TTC7B: variants seen among roughly 807,000 people sequenced by gnomAD.
The protein encoded by TTC7B is tetratricopeptide repeat domain 7B, also known as tetratricopeptide repeat protein 7B.
In TTC7B, 28 loss-of-function variants were observed where a neutral mutation model predicts 106.8. The ratio of observed to expected loss-of-function variants is 0.26; its 90% CI spans 0.19 to 0.36. The LOEUF is 0.36. TTC7B is among the 10% of genes least tolerant of loss of function. TTC7B has a pLI of 1.00. For missense variants in TTC7B, 862 were observed against 1,076.4 expected, an observed-to-expected ratio of 0.80 and a Z score of 2.79; for synonymous variants, 405 against 430.6, an observed-to-expected ratio of 0.94 and a Z score of 0.74.
chr14:90,531,220 A>C lies in TTC7B; in HGVS notation c.*10148T>G, dbSNP rs1947363228. 6.6e-6 allele frequency: 1 copy of C among 152,326 alleles called. No homozygotes were observed. Among genetic ancestry groups the C allele is most frequent in the African/African-American group, 2.4e-5 (1 of 41,570 alleles). The allele number at this position is 152,326 out of a possible 1,614,324, so 9.4% of individuals were successfully genotyped here. A position where few individuals can be genotyped will look rare whatever the true frequency, so the allele number is the denominator to read the frequency against. ...AACAGGCAGCTGATACAGTGGGTGT[A>C]GGTTTTACGATCACAAAAGAAAAGA... On this transcript the variant is annotated 3_prime_UTR_variant, in exon 20 of 20. Transcript: ENST00000328459.
intron 17 of TTC7B, among the ~76,000 whole-genome samples, chr14:90,599,846 T>G (rs1192199795): frequency 6.6e-6 from 1 of 151,976 alleles, no homozygotes; most frequent in East Asian, 1.9e-4. Flanking sequence ...CAGTTCCATC[T>G]CTTAAAGAAC....
rs1011667625 is a variant in TTC7B at position 90,805,349 on chromosome 14, G to A, written c.121+10826C>T. On this transcript the variant is annotated intron_variant, in intron 1 of 19. Transcript: ENST00000328459. The surrounding 1 kb of genome is among the most constrained non-coding windows in gnomAD (Gnocchi z 4.0). ...CGGCTCACTGCAACCTCTACCTCCC[G>A]GGTTCAGGCAATTCTCCTGTTCTCC... Among the ~76,000 whole-genome samples, 15 of 152,148 alleles carry A rather than the reference G, an allele frequency of 9.9e-5. No homozygotes were observed. Among genetic ancestry groups the A allele is most frequent in the African/African-American group, 3.4e-4 (14 of 41,430 alleles).
At chr14:90,567,173 TG>T (rs914106777) in intron 19 of TTC7B, among the ~76,000 whole-genome samples, 3 of 152,200 alleles carry the variant, frequency 2.0e-5, no homozygotes, top group African/African-American at 7.2e-5. Context: ...TGGTGATTCT[TG>T]GTAGATCTGT....
rs144623147 is a variant in TTC7B, at chr14:90,681,095, G to A, written c.951-560C>T. Among the ~76,000 whole-genome samples the A allele has an allele frequency of 2.2e-4, 34 of 152,240 alleles. No individual in the cohort carries two copies. In the East Asian group the frequency reaches 6.2e-3, roughly 28 times the overall value. On this transcript the variant is annotated intron_variant, in intron 7 of 19. Coordinates refer to ENST00000328459, the MANE Select transcript of TTC7B (RefSeq NM_001010854.2). ...AGAGCTCTTATTAATCTATTTTATG[G>A]AATTTGGCTGAACTCCTAAATCTTG... is the stretch of plus-strand genomic sequence containing the variant.
intron 4 of TTC7B, among the ~76,000 whole-genome samples, chr14:90,741,421 C>G (rs929381823): frequency 1.3e-5 from 2 of 152,118 alleles, no homozygotes; most frequent in African/African-American, 4.8e-5. Flanking sequence ...CCCACAGGCC[C>G]CAGCGAGCAG....
intron 5 of TTC7B, among the ~76,000 whole-genome samples, chr14:90,721,835 C>T (rs1430657513): frequency 1.3e-5 from 2 of 152,208 alleles, no homozygotes; most frequent in South Asian, 2.1e-4. Context: ...GACTCATTCA[C>T]TTAGAACAGT....
intron 19 of TTC7B, among the ~76,000 whole-genome samples, chr14:90,554,924 G>C (rs151113639): frequency 6.6e-6 from 1 of 152,296 alleles, no homozygotes; most frequent in African/African-American, 2.4e-5. Context: ...GACTCTTAGT[G>C]ATCACATCTG....
chr14:90,660,752 G>A (rs1377131031), intron 9 of TTC7B, among the ~76,000 whole-genome samples: 1 of 152,224 alleles, frequency 6.6e-6, no homozygotes, highest in African/African-American at 2.4e-5. Context: ...AATTTTAAAT[G>A]ATATATACAG....
intron 19 of TTC7B, among the ~76,000 whole-genome samples, chr14:90,544,679 G>A (rs565831651): frequency 7.9e-5 from 12 of 152,300 alleles, no homozygotes; most frequent in South Asian, 4.2e-4. Flanking sequence ...GTGCTCACCC[G>A]AGAACGTTCC....
intron 18 of TTC7B, among the ~76,000 whole-genome samples, chr14:90,584,771 C>G (rs1463889419): frequency 6.6e-6 from 1 of 152,122 alleles, no homozygotes; most frequent in Non-Finnish European, 1.5e-5. Context: ...TCCTTTACCC[C>G]TGACCCTGCC....
chr14:90,537,655 C>G lies in TTC7B; in HGVS notation c.*3713G>C, dbSNP rs760829401. ...GCCTTTGCACCTGCTGTTCCTGCTT[C>G]CTGAGATGTCCTCCTCCCAGGTTAC... On this transcript the variant is annotated 3_prime_UTR_variant, in exon 20 of 20. Coordinates refer to ENST00000328459, the MANE Select transcript of TTC7B (RefSeq NM_001010854.2). 2.0e-5 allele frequency: 3 copies of G among 152,370 alleles called. No individual in the cohort carries two copies. Among genetic ancestry groups the G allele is most frequent in the Non-Finnish European group, 4.4e-5 (3 of 68,144 alleles). 9.4% of individuals were successfully genotyped at this position (152,370 alleles called of 1,614,324 possible). A position where few individuals can be genotyped will look rare whatever the true frequency, so the allele number is the denominator to read the frequency against.
At chr14:90,609,879 G>A (rs551976420) in intron 17 of TTC7B, among the ~76,000 whole-genome samples, 13 of 152,266 alleles carry the variant, frequency 8.5e-5, no homozygotes, top group Non-Finnish European at 1.3e-4. Context: ...CTCTAAAATC[G>A]AGATGTTTCT....
intron 3 of TTC7B, among the ~76,000 whole-genome samples, chr14:90,761,752 C>G (rs1207146083): frequency 6.6e-6 from 1 of 152,216 alleles, no homozygotes; most frequent in Admixed American, 6.5e-5. Context: ...TCACTGTCAT[C>G]TGGATTCCTC....
At position 90,657,162 on chromosome 14, in the gene TTC7B, G is replaced by A. The variant is rs755376580; in HGVS notation, c.1341+12C>T. ...CCTCTGCAGGAGCGGGGAGGGGGGCGCCCCTACTCACCCAGTGCAGGGAGC... is the reference window on the plus strand; with the variant it reads ...CCTCTGCAGGAGCGGGGAGGGGGGCACCCCTACTCACCCAGTGCAGGGAGC... On this transcript the variant is annotated intron_variant, in intron 11 of 19. Coordinates refer to ENST00000328459, the MANE Select transcript of TTC7B (RefSeq NM_001010854.2). This position sits in a 1 kb window ranked among gnomAD's most constrained non-coding sequence, Gnocchi z 4.2. 1.4e-5 allele frequency: 22 copies of A among 1,606,982 alleles called. No homozygotes were observed. The highest frequency in any genetic ancestry group is 2.2e-5 in the East Asian group (1 of 44,838).
At chr14:90,651,674 A>G (rs1253433885) in intron 13 of TTC7B, among the ~76,000 whole-genome samples, 1 of 152,256 alleles carries the variant, frequency 6.6e-6, no homozygotes, top group Non-Finnish European at 1.5e-5. Flanking sequence ...GCACAGAGAC[A>G]GGAGATCTGT....
chr14:90,778,391 CT>C (rs1566883056), intron 3 of TTC7B, among the ~76,000 whole-genome samples: 1 of 152,122 alleles, frequency 6.6e-6, no homozygotes, highest in African/African-American at 2.4e-5. Context: ...GCAGTGACAC[CT>C]GTAGACAGCC....
At chr14:90,706,951 A>G (rs534986002) in intron 5 of TTC7B, among the ~76,000 whole-genome samples, 2 of 152,340 alleles carry the variant, frequency 1.3e-5, no homozygotes, top group East Asian at 3.9e-4. Context: ...ACATAGACAC[A>G]AATACCTCAG....
chr14:90,703,564 C>T (rs74081294), intron 5 of TTC7B, among the ~76,000 whole-genome samples: 16,366 of 151,972 alleles, frequency 0.11, 975 homozygotes, highest in Admixed American at 0.18. Context: ...GAAAAAAATC[C>T]AAGGGGATCA....
intron 3 of TTC7B, among the ~76,000 whole-genome samples, chr14:90,747,447 TC>T (rs1440849976): frequency 6.6e-6 from 1 of 152,210 alleles, no homozygotes; most frequent in African/African-American, 2.4e-5. Context: ...TGGGAGTCTT[TC>T]CAGTATATCA....
Sources: gnomAD v4.1 joint callset for allele counts (sites outside exome capture counted in the v4.1 genomes callset) on GRCh38, gnomAD v4.1.1 for gene constraint, Gnocchi (gnomAD v3.1) non-coding constraint, MANE v1.5 for transcripts, NCBI Gene and HGNC (gene_info 2026-07-23, HGNC 2026-07-21) for gene names.